FBXL7: variants seen among roughly 807,000 people sequenced by gnomAD.
FBXL7 encodes F-box and leucine rich repeat protein 7.
Under a neutral mutation model 38.3 loss-of-function variants are expected in FBXL7, and 12 were observed. That is an observed-to-expected ratio of 0.31 (90% confidence interval 0.20 to 0.51). The LOEUF (loss-of-function observed/expected upper bound fraction) is 0.51, where lower values mean the gene tolerates loss of function less well. Among genes scored for constraint, FBXL7 ranks in the 20% least tolerant of loss-of-function variants. The pLI is 0.98. For synonymous variants in FBXL7, 297 were observed against 300.9 expected (o/e 0.99, Z 0.13); for missense variants, 567 against 676.4 (o/e 0.84, Z 1.79).
intron 2 of FBXL7, among the ~76,000 whole-genome samples, chr5:15,856,238 C>T (rs191365809): frequency 1.6e-3 from 247 of 152,136 alleles, no homozygotes; most frequent in Non-Finnish European, 3.2e-3. Context: ...TTCACTATCA[C>T]AAGAACAGTA....
chr5:15,803,926 C>T (rs1737637803), intron 2 of FBXL7, among the ~76,000 whole-genome samples: 1 of 152,136 alleles, frequency 6.6e-6, no homozygotes, highest in South Asian at 2.1e-4. Context: ...GCCATCAGAA[C>T]ACTCCATACA....
intron 2 of FBXL7, among the ~76,000 whole-genome samples, chr5:15,686,511 G>T (rs1459953818): frequency 6.6e-6 from 1 of 152,104 alleles, no homozygotes; most frequent in Non-Finnish European, 1.5e-5. Context: ...ATCTGAGTTA[G>T]GGACTTATTC....
intron 2 of FBXL7, among the ~76,000 whole-genome samples, chr5:15,741,371 G>A (rs962671710): frequency 2.0e-5 from 3 of 152,182 alleles, no homozygotes; most frequent in Admixed American, 6.5e-5. Flanking sequence ...ATACATGTGA[G>A]CGTTTGTGTA....
chr5:15,677,474 A>C (rs200027277), intron 2 of FBXL7, among the ~76,000 whole-genome samples: 2 of 149,084 alleles, frequency 1.3e-5, no homozygotes, highest in African/African-American at 5.0e-5. Flanking sequence ...AAAAGAAAGA[A>C]AGAGAGAGAG....
intron 1 of FBXL7, among the ~76,000 whole-genome samples, chr5:15,545,261 T>C (rs1490891511): frequency 3.3e-5 from 5 of 152,250 alleles, no homozygotes; most frequent in Admixed American, 6.5e-5. Flanking sequence ...AATTGAGTAT[T>C]GGCTCTGTGC....
At chr5:15,791,940 C>T (rs942008519) in intron 2 of FBXL7, among the ~76,000 whole-genome samples, 2 of 152,092 alleles carry the variant, frequency 1.3e-5, no homozygotes, top group Non-Finnish European at 2.9e-5. Flanking sequence ...GTGGAACAAT[C>T]GCAGAAGCTG....
intron 1 of FBXL7, among the ~76,000 whole-genome samples, chr5:15,554,129 A>G (rs958691478): frequency 4.6e-5 from 7 of 152,124 alleles, no homozygotes; most frequent in Non-Finnish European, 8.8e-5. Flanking sequence ...CTCCATATCC[A>G]GTCTGCCCTG....
rs1331553074 is a variant in FBXL7 at position 15,845,831 on chromosome 5, C to T, written c.128-82059C>T. Among the ~76,000 whole-genome samples, 4 of 151,934 alleles carry T rather than the reference C, an allele frequency of 2.6e-5. No individual in the cohort carries two copies. In the South Asian group the frequency reaches 6.2e-4, roughly 24 times the overall value. ...GTAAAAATACAAAAAATTAGCCGGG[C>T]GTGGTGGCGGGTGCCTGGAGTCCCA... On this transcript the variant is annotated intron_variant, in intron 2 of 3. Coordinates refer to ENST00000504595, the MANE Select transcript of FBXL7 (RefSeq NM_012304.5).
At chr5:15,670,248 A>C (rs1182681998) in intron 2 of FBXL7, among the ~76,000 whole-genome samples, 2 of 152,246 alleles carry the variant, frequency 1.3e-5, no homozygotes, top group African/African-American at 4.8e-5. Context: ...TGAAGCACAG[A>C]AATTAAGTTT....
At chr5:15,707,251 C>T (rs1743717484) in intron 2 of FBXL7, among the ~76,000 whole-genome samples, 1 of 124,986 alleles carries the variant, frequency 8.0e-6, no homozygotes, top group Admixed American at 1.0e-4. Context: ...AATGGTTACT[C>T]CATAGTCAGA....
chr5:15,679,381 A>G (rs1742763588), intron 2 of FBXL7, among the ~76,000 whole-genome samples: 1 of 152,176 alleles, frequency 6.6e-6, no homozygotes. Flanking sequence ...TTTGCCTTCC[A>G]GCTGCAATGC....
chr5:15,888,331 G>A (rs1740765912), intron 2 of FBXL7, among the ~76,000 whole-genome samples: 1 of 151,870 alleles, frequency 6.6e-6, no homozygotes, highest in African/African-American at 2.4e-5. Flanking sequence ...GGGTTCAAAC[G>A]ATTCTCCCGC....
chr5:15,580,347 A>G (rs1220254294), intron 1 of FBXL7, among the ~76,000 whole-genome samples: 2 of 152,178 alleles, frequency 1.3e-5, no homozygotes, highest in Admixed American at 6.5e-5. Context: ...TTATAGCCCA[A>G]GTGAAATAAA....
At position 15,529,715 on chromosome 5, in the gene FBXL7, G is replaced by A. The variant is rs1407811102; in HGVS notation, c.37+29002G>A. On this transcript the variant is annotated intron_variant, in intron 1 of 3. Coordinates refer to ENST00000504595, the MANE Select transcript of FBXL7 (RefSeq NM_012304.5). ...CCTAACTTCTTACACTTTTTTAAAG[G>A]CATAGTTGCAAGAATATTATCTTTC... is the stretch of plus-strand genomic sequence containing the variant. Among the ~76,000 whole-genome samples, 4 of 152,102 alleles carry A rather than the reference G, an allele frequency of 2.6e-5. No homozygotes were observed. The East Asian group carries it at 7.7e-4, about 29-fold the overall frequency.
chr5:15,842,164 C>G (rs1489552993), intron 2 of FBXL7, among the ~76,000 whole-genome samples: 1 of 152,194 alleles, frequency 6.6e-6, no homozygotes, highest in Non-Finnish European at 1.5e-5. Context: ...GGGCTGAACC[C>G]TGCAAAACCA....
intron 2 of FBXL7, 118 bp from the exon 3 acceptor site, chr5:15,927,764 TAAAAAAAA>T (rs753935096): frequency 0.034 from 15,367 of 454,332 alleles, 18 homozygotes; most frequent in Middle Eastern, 0.048. Context: ...GACAAGATCT[TAAAAAAAA>T]AAAAAAAAAA....
intron 2 of FBXL7, among the ~76,000 whole-genome samples, chr5:15,618,085 G>GA (rs747298183): frequency 5.4e-4 from 82 of 152,134 alleles, no homozygotes; most frequent in Middle Eastern, 3.4e-3. Flanking sequence ...TCCAAAGGGG[G>GA]AAAAAATCTC....
At chr5:15,640,855 G>T (rs1741344639) in intron 2 of FBXL7, among the ~76,000 whole-genome samples, 1 of 152,124 alleles carries the variant, frequency 6.6e-6, no homozygotes, top group Admixed American at 6.6e-5. Flanking sequence ...CTTTATAGGG[G>T]ACACAATTCA....
intron 2 of FBXL7, among the ~76,000 whole-genome samples, chr5:15,766,232 T>C (rs1283150819): frequency 6.6e-6 from 1 of 152,138 alleles, no homozygotes; most frequent in African/African-American, 2.4e-5. Flanking sequence ...AAACTTCTTT[T>C]CCCTCATCCC....
Sources: allele counts gnomAD v4.1 joint callset (sites outside exome capture counted in the v4.1 genomes callset), GRCh38; gene constraint gnomAD v4.1.1; transcripts MANE v1.5; gene names NCBI Gene and HGNC (gene_info 2026-07-23, HGNC 2026-07-21).